Variants in UNC13C observed in about 807,000 individuals in gnomAD.
The protein encoded by UNC13C is protein unc-13 homolog C.
Under a neutral mutation model 245.4 loss-of-function variants are expected in UNC13C, and 174 were observed. The observed-to-expected ratio is 0.71, with a 90% CI of 0.63 to 0.80. UNC13C has a LOEUF of 0.80. Among genes scored for constraint, UNC13C ranks in the 30% least tolerant of loss-of-function variants. UNC13C has a pLI of 0.00. For missense variants in UNC13C, 2,829 were observed against 2,602.9 expected (o/e 1.09, Z -1.89); for synonymous variants, 992 against 895.1 (o/e 1.11, Z -1.93).
chr15:54,186,388 A>T (rs141519040), intron 4 of UNC13C, among the ~76,000 whole-genome samples: 63 of 152,318 alleles, frequency 4.1e-4, no homozygotes, highest in African/African-American at 1.4e-3. Flanking sequence ...CTTTGCTGAA[A>T]GTCAATGAAG....
At chr15:54,491,229 GC>G (rs1231563575) in intron 19 of UNC13C, among the ~76,000 whole-genome samples, 1 of 152,050 alleles carries the variant, frequency 6.6e-6, no homozygotes, top group Non-Finnish European at 1.5e-5. Flanking sequence ...ATTAATTCAG[GC>G]TCATTCCTAA....
At chr15:53,838,890 G>A in the UNC13C span, among the ~76,000 whole-genome samples, 1 of 151,786 alleles carries the variant, frequency 6.6e-6, no homozygotes, top group Non-Finnish European at 1.5e-5. Flanking sequence ...TTCAACTTCT[G>A]GTTAAGGTAT....
At chr15:54,616,259 C>A (rs1263461918) in intron 30 of UNC13C, among the ~76,000 whole-genome samples, 1 of 151,908 alleles carries the variant, frequency 6.6e-6, no homozygotes, top group African/African-American at 2.4e-5. Context: ...AATAGGGAGT[C>A]CTAGGAAACA....
the UNC13C span, among the ~76,000 whole-genome samples, chr15:53,972,979 A>G: frequency 6.6e-6 from 1 of 152,090 alleles, no homozygotes; most frequent in Non-Finnish European, 1.5e-5. Context: ...GAGAATATGA[A>G]TTATTAAGAT....
rs180907419 is a variant in UNC13C at position 54,518,719 on chromosome 15, G to C, written c.5458-6830G>C. Reference sequence around the variant, plus strand: ...TGTCCCCAGCACTTGATGGTCAACAGGTCCTGAATTCAGTTGACTGGGTGG... The same window carrying C: ...TGTCCCCAGCACTTGATGGTCAACACGTCCTGAATTCAGTTGACTGGGTGG... On this transcript the variant is annotated intron_variant, in intron 24 of 32. Coordinates refer to ENST00000260323, the MANE Select transcript of UNC13C (RefSeq NM_001080534.3). Among the ~76,000 whole-genome samples the C allele has an allele frequency of 2.0e-5, 3 of 152,278 alleles. No homozygotes were observed. In the East Asian group the frequency reaches 5.8e-4, roughly 29 times the overall value.
intron 2 of UNC13C, among the ~76,000 whole-genome samples, chr15:54,100,027 G>A (rs1288653637): frequency 6.7e-6 from 1 of 149,700 alleles, no homozygotes; most frequent in Non-Finnish European, 1.5e-5. Flanking sequence ...TTGAACCTGG[G>A]AGGCAGAGGT....
At chr15:54,184,593 G>A (rs2033910927) in intron 4 of UNC13C, among the ~76,000 whole-genome samples, 1 of 152,108 alleles carries the variant, frequency 6.6e-6, no homozygotes, top group African/African-American at 2.4e-5. Flanking sequence ...CAAAGGACAT[G>A]AACTCATCAT....
intron 4 of UNC13C, among the ~76,000 whole-genome samples, chr15:54,212,723 A>C (rs946261032): frequency 2.0e-5 from 3 of 152,080 alleles, no homozygotes; most frequent in African/African-American, 7.2e-5. Flanking sequence ...ATACAGTACT[A>C]GTTTGACAGT....
At position 54,014,023 on chromosome 15, in the gene UNC13C, C is replaced by A. The variant is rs1231398415; in HGVS notation, c.1120C>A (p.Pro374Thr). ...CCAGAGAGACTGCCCAAATGCAAAGCCTCGACCCATACTTGTGTACTTTGA... is the reference window on the plus strand; with the variant it reads ...CCAGAGAGACTGCCCAAATGCAAAGACTCGACCCATACTTGTGTACTTTGA... ...GHQRDCPNAK[P>T]RPILVYFETP... The change falls in exon 2 of 33, where the codon CCT (proline) becomes ACT (threonine). Residue 374 changes from proline (P) to threonine (T), a missense_variant. Pro to Thr is a conservative substitution (Grantham distance 38). Coordinates refer to ENST00000260323, the MANE Select transcript of UNC13C (RefSeq NM_001080534.3). 1.2e-6 allele frequency: 2 copies of A among 1,613,638 alleles called. No individual in the cohort carries two copies. Among genetic ancestry groups the A allele is most frequent in the Non-Finnish European group, 1.7e-6 (2 of 1,179,854 alleles).
chr15:54,339,916 A>G (rs181853086), intron 17 of UNC13C, among the ~76,000 whole-genome samples: 1 of 152,122 alleles, frequency 6.6e-6, no homozygotes, highest in African/African-American at 2.4e-5. Flanking sequence ...AGCAGTGTAG[A>G]AGTGTTCTCT....
At chr15:54,463,641 C>A (rs1224932407) in intron 19 of UNC13C, among the ~76,000 whole-genome samples, 2 of 152,126 alleles carry the variant, frequency 1.3e-5, no homozygotes, top group Non-Finnish European at 2.9e-5. Context: ...AAACTCCGAA[C>A]ACATCCGAAC....
At chr15:54,429,744 G>A (rs985224138) in intron 19 of UNC13C, among the ~76,000 whole-genome samples, 1 of 151,462 alleles carries the variant, frequency 6.6e-6, no homozygotes, top group African/African-American at 2.4e-5. Context: ...TTGACATATT[G>A]AAGGCAGTGT....
intron 4 of UNC13C, among the ~76,000 whole-genome samples, chr15:54,149,612 C>A (rs753127926): frequency 5.3e-5 from 8 of 152,116 alleles, no homozygotes; most frequent in Non-Finnish European, 8.8e-5. Context: ...TTGTTAATTT[C>A]TTCTTCCACA....
intron 18 of UNC13C, among the ~76,000 whole-genome samples, chr15:54,396,550 A>G (rs1472416522): frequency 6.6e-6 from 1 of 151,536 alleles, no homozygotes; most frequent in East Asian, 1.9e-4. Context: ...CTTTTTCAAG[A>G]TTAGGTTGCT....
At chr15:54,462,397 C>G (rs1891895886) in intron 19 of UNC13C, among the ~76,000 whole-genome samples, 1 of 152,184 alleles carries the variant, frequency 6.6e-6, no homozygotes, top group South Asian at 2.1e-4. Flanking sequence ...TGTGGGAGCC[C>G]CTCTCTGGGC....
intron 1 of UNC13C, among the ~76,000 whole-genome samples, chr15:54,009,666 C>A (rs766128909): frequency 2.0e-5 from 3 of 152,010 alleles, no homozygotes; most frequent in Non-Finnish European, 4.4e-5. Context: ...CCTGCCTCAG[C>A]CTCCTGCGTA....
intron 4 of UNC13C, among the ~76,000 whole-genome samples, chr15:54,156,994 A>G (rs1250163153): frequency 6.6e-6 from 1 of 152,014 alleles, no homozygotes; most frequent in Non-Finnish European, 1.5e-5. Context: ...ACCTGGTTGT[A>G]TAAGTAACTT....
intron 19 of UNC13C, among the ~76,000 whole-genome samples, chr15:54,469,474 C>T (rs1352659726): frequency 6.6e-6 from 1 of 151,574 alleles, no homozygotes; most frequent in Non-Finnish European, 1.5e-5. Flanking sequence ...TCAGTATTCA[C>T]ATGTCTCTGG....
At chr15:53,981,292 C>T (rs1039598829) in intron 1 of UNC13C, among the ~76,000 whole-genome samples, 7 of 152,094 alleles carry the variant, frequency 4.6e-5, no homozygotes, top group African/African-American at 1.7e-4. Flanking sequence ...GTCTTTACTA[C>T]GGAAAGGCAT....
Sources: allele counts gnomAD v4.1 joint callset (sites outside exome capture counted in the v4.1 genomes callset), GRCh38; gene constraint gnomAD v4.1.1; transcripts MANE v1.5; gene names NCBI Gene and HGNC (gene_info 2026-07-23, HGNC 2026-07-21).